The following AIM2 variants were observed in gnomAD, a reference collection of about 807,000 sequenced individuals.
AIM2 encodes the protein interferon-inducible protein AIM2.
In AIM2, 30 loss-of-function variants were observed where a neutral mutation model predicts 27.7. The ratio of observed to expected loss-of-function variants is 1.08; its 90% CI spans 0.81 to 1.47. AIM2 has a LOEUF of 1.47. AIM2 is among the 40% of genes most tolerant of loss of function. The pLI, the probability that AIM2 is intolerant of heterozygous loss-of-function variation, is 0.00. For synonymous variants in AIM2, 141 were observed against 145.3 expected (o/e 0.97, Z 0.21); for missense variants, 358 against 411.3 (o/e 0.87, Z 1.12).
chr1:159,067,264 T>C (rs1656144777), intron 3 of AIM2, among the ~76,000 whole-genome samples: 1 of 152,246 alleles, frequency 6.6e-6, no homozygotes, highest in African/African-American at 2.4e-5. Flanking sequence ...GATACAATTA[T>C]AGATAATTTT....
At chr1:159,056,040 T>G in the AIM2 span, among the ~76,000 whole-genome samples, 2 of 152,252 alleles carry the variant, frequency 1.3e-5, no homozygotes, top group East Asian at 3.9e-4. Context: ...AATGGGGAAG[T>G]CTACTACTGT....
chr1:159,145,249 T>C (rs756924485), upstream of AIM2, among the ~76,000 whole-genome samples: 4 of 152,142 alleles, frequency 2.6e-5, no homozygotes, highest in Non-Finnish European at 4.4e-5. Flanking sequence ...TGGACATACA[T>C]ACCCACAATG....
chr1:159,068,495 GAAC>G, intron 3 of AIM2, 70 bp downstream of exon 3: 1 of 1,511,314 alleles, frequency 6.6e-7, no homozygotes, highest in Non-Finnish European at 8.8e-7. Context: ...AAAGAACAGA[GAAC>G]AATATGGGAA....
At chr1:159,086,218 C>T (rs754941478) in intron 1 of AIM2, among the ~76,000 whole-genome samples, 2 of 152,184 alleles carry the variant, frequency 1.3e-5, no homozygotes, top group African/African-American at 2.4e-5. Context: ...TGTACTGAAA[C>T]AGGGAGCAGG....
At chr1:159,111,882 CTATA>C (rs1657585595) in intron 1 of AIM2, among the ~76,000 whole-genome samples, 1 of 124,282 alleles carries the variant, frequency 8.0e-6, no homozygotes, top group South Asian at 2.6e-4. Flanking sequence ...ATCTATCTAT[CTATA>C]CATATATTAG....
chr1:159,055,358 C>G, the AIM2 span, among the ~76,000 whole-genome samples: 2 of 152,136 alleles, frequency 1.3e-5, no homozygotes, highest in Non-Finnish European at 2.9e-5. Flanking sequence ...GATAAGTAAG[C>G]GTGAAATCCA....
At chr1:159,110,976 T>C (rs930043107) in intron 1 of AIM2, among the ~76,000 whole-genome samples, 17 of 152,268 alleles carry the variant, frequency 1.1e-4, no homozygotes, top group Admixed American at 2.0e-4. Context: ...TACGCTAATG[T>C]GCTCTAGGTG....
At chr1:159,119,216 C>T (rs1570975487) in intron 1 of AIM2, among the ~76,000 whole-genome samples, 1 of 150,128 alleles carries the variant, frequency 6.7e-6, no homozygotes, top group East Asian at 2.0e-4. Context: ...CACTTTTTAG[C>T]TTTGAGCCAC....
At chr1:159,132,873 CTA>C (rs957823929) in intron 1 of AIM2, among the ~76,000 whole-genome samples, 14 of 152,204 alleles carry the variant, frequency 9.2e-5, no homozygotes, top group African/African-American at 3.4e-4. Flanking sequence ...TCCACAGTAA[CTA>C]ATCCAAATTT....
chr1:159,146,005 C>A (rs1557919141), intron 1 of AIM2, among the ~76,000 whole-genome samples: 1 of 151,786 alleles, frequency 6.6e-6, no homozygotes. Flanking sequence ...ACTCGGGAGG[C>A]TGAGGCAGGA....
chr1:159,072,139 G>A lies in AIM2; in HGVS notation c.262+1099C>T, dbSNP rs562902311. 4.6e-5 allele frequency among the ~76,000 whole-genome samples: 7 copies of A among 152,308 alleles called. No homozygotes were observed. In the South Asian group the frequency reaches 1.4e-3, roughly 32 times the overall value. On this transcript the variant is annotated intron_variant, in intron 2 of 5. Transcript: ENST00000368130. ...AAGAAAAACACAGGGCAATGTTTTG[G>A]TTGGTTACTTGGAAGTAACATGTGT...
intron 1 of AIM2, among the ~76,000 whole-genome samples, chr1:159,106,108 G>GC (rs1329772609): frequency 1.3e-5 from 2 of 152,190 alleles, no homozygotes; most frequent in Admixed American, 1.3e-4. Flanking sequence ...GCCAGGGAGT[G>GC]AGAGCAGGCA....
intron 1 of AIM2, among the ~76,000 whole-genome samples, chr1:159,127,838 C>T (rs1035601065): frequency 6.6e-6 from 1 of 152,116 alleles, no homozygotes; most frequent in Non-Finnish European, 1.5e-5. Flanking sequence ...GTTTATAAAC[C>T]ACCAGGTCTG....
intron 1 of AIM2, among the ~76,000 whole-genome samples, chr1:159,127,092 G>A (rs1363145515): frequency 6.6e-6 from 1 of 152,276 alleles, no homozygotes; most frequent in South Asian, 2.1e-4. Flanking sequence ...ACAAGCCAGG[G>A]GATGATTGGT....
At chr1:159,103,465 A>C (rs555360142) in intron 1 of AIM2, among the ~76,000 whole-genome samples, 1 of 152,184 alleles carries the variant, frequency 6.6e-6, no homozygotes, top group South Asian at 2.1e-4. Context: ...ACAGTCAGTC[A>C]CAGCAGCAAA....
chr1:159,097,377 T>C (rs1657201434), intron 1 of AIM2, among the ~76,000 whole-genome samples: 1 of 152,030 alleles, frequency 6.6e-6, no homozygotes, highest in Admixed American at 6.6e-5. Flanking sequence ...CATAGCTACA[T>C]CCTCCCACTC....
exon 1 of AIM2, chr1:159,147,065 G>A (rs1456256533): frequency 1.3e-5 from 2 of 152,146 alleles, no homozygotes; most frequent in Non-Finnish European, 2.9e-5. Context: ...AGACGTTCTG[G>A]GTTCTGCCTG....
At chr1:159,143,951 C>T (rs374169941), upstream of AIM2, among the ~76,000 whole-genome samples, 1 of 152,146 alleles carries the variant, frequency 6.6e-6, no homozygotes, top group Non-Finnish European at 1.5e-5. Context: ...AATAAAATAA[C>T]AATTTGCAAG....
upstream of AIM2, among the ~76,000 whole-genome samples, chr1:159,144,552 T>A (rs986341558): frequency 2.0e-5 from 3 of 152,318 alleles, no homozygotes; most frequent in Non-Finnish European, 2.9e-5. Context: ...AGCCAGTACA[T>A]CTTTTTCTTC....
Sources: allele counts gnomAD v4.1 joint callset (sites outside exome capture counted in the v4.1 genomes callset), GRCh38; gene constraint gnomAD v4.1.1; transcripts MANE v1.5; gene names NCBI Gene and HGNC (gene_info 2026-07-23, HGNC 2026-07-21).